The following F2R variants were observed in gnomAD, a reference collection of about 807,000 sequenced individuals.
The protein encoded by F2R is proteinase-activated receptor 1.
A neutral mutation model predicts 18.3 loss-of-function variants in F2R; 12 were observed. The ratio of observed to expected loss-of-function variants is 0.66; its 90% CI spans 0.42 to 1.06. F2R has a LOEUF of 1.06. Among genes scored for constraint, F2R ranks in the 50% least tolerant of loss-of-function variants. The pLI, the probability that F2R is intolerant of heterozygous loss-of-function variation, is 0.00. For missense variants in F2R, 438 were observed against 530.8 expected (o/e 0.83, Z 1.72); for synonymous variants, 210 against 219.9 (o/e 0.95, Z 0.40).
At position 76,734,188 on chromosome 5, in the gene F2R, T is replaced by G. The variant is rs1748739864; in HGVS notation, c.*685T>G. 1 of 152,468 alleles carries G rather than the reference T, an allele frequency of 6.6e-6. No individual in the cohort carries two copies. The highest frequency in any genetic ancestry group is 1.5e-5 in the Non-Finnish European group (1 of 68,142). The allele number at this position is 152,468 out of a possible 1,614,324, so 9.4% of individuals were successfully genotyped here. On this transcript the variant is annotated 3_prime_UTR_variant, in exon 2 of 2. Coordinates refer to ENST00000319211, the MANE Select transcript of F2R (RefSeq NM_001992.5). ...TTTGATATGGGTAGTATTTTTTACA[T>G]TTTACACACTGTACACATAAGCCAA...
intron 1 of F2R, among the ~76,000 whole-genome samples, chr5:76,720,612 A>C (rs1490999608): frequency 6.6e-6 from 1 of 152,088 alleles, no homozygotes; most frequent in Non-Finnish European, 1.5e-5. Context: ...ACCCCTACCT[A>C]CTTCCAAAAT....
At chr5:76,718,805 TG>T (rs1242998485) in intron 1 of F2R, among the ~76,000 whole-genome samples, 6 of 152,202 alleles carry the variant, frequency 3.9e-5, no homozygotes, top group African/African-American at 1.4e-4. Flanking sequence ...ATAAATTTTA[TG>T]GGGCTCTAGA....
chr5:76,717,573 G>A (rs1748370000), intron 1 of F2R, among the ~76,000 whole-genome samples: 1 of 152,148 alleles, frequency 6.6e-6, no homozygotes, highest in Non-Finnish European at 1.5e-5. Context: ...AAAACTAAGA[G>A]CTCCAGACTG....
rs1238817703 is a variant in F2R, at chr5:76,735,510, GA to G, written c.*2008del. ...ATAAATAAAAAATAAAAAAATAAAA[GA>G]GCAAACTATTTCCAAATACCATAGA... On this transcript the variant is annotated 3_prime_UTR_variant, in exon 2 of 2. Coordinates refer to ENST00000319211, the MANE Select transcript of F2R (RefSeq NM_001992.5). 2.6e-5 allele frequency: 4 copies of G among 151,932 alleles called. No individual in the cohort carries two copies. Among genetic ancestry groups the G allele is most frequent in the African/African-American group, 9.7e-5 (4 of 41,394 alleles). The allele number at this position is 151,932 out of a possible 1,614,324, so 9.4% of individuals were successfully genotyped here.
intron 1 of F2R, among the ~76,000 whole-genome samples, chr5:76,716,947 G>C (rs767816033): frequency 6.6e-6 from 1 of 152,204 alleles, no homozygotes; most frequent in African/African-American, 2.4e-5. Context: ...TTGTGTCCAG[G>C]AGGTGCGCAG....
chr5:76,726,504 T>C (rs1351435544), intron 1 of F2R, among the ~76,000 whole-genome samples: 1 of 150,396 alleles, frequency 6.6e-6, no homozygotes, highest in African/African-American at 2.5e-5. Context: ...GCCACTGCAG[T>C]CCGGCCTGGG....
At chr5:76,726,335 T>C (rs1748552433) in intron 1 of F2R, among the ~76,000 whole-genome samples, 1 of 151,084 alleles carries the variant, frequency 6.6e-6, no homozygotes, top group South Asian at 2.1e-4. Flanking sequence ...ATAGAGACCA[T>C]CCTGGCTAAC....
chr5:76,733,112 G>A lies in F2R; in HGVS notation c.887G>A (p.Cys296Tyr), dbSNP rs1314236332. Residue 296 changes from cysteine to tyrosine, a missense_variant, in exon 2 of 2, where the codon TGT becomes TAT. Cys to Tyr is a radical substitution (Grantham distance 194). Coordinates refer to ENST00000319211, the MANE Select transcript of F2R (RefSeq NM_001992.5). Reference sequence around the variant, plus strand: ...GTCTGTTATGTGTCTATCATTCGATGTCTTAGCTCTTCCGCAGTTGCCAAC... The same window carrying A: ...GTCTGTTATGTGTCTATCATTCGATATCTTAGCTCTTCCGCAGTTGCCAAC... ...STVCYVSIIR[C>Y]LSSSAVANRS... 1 of 1,614,160 alleles carries A rather than the reference G, an allele frequency of 6.2e-7. No homozygotes were observed. Among genetic ancestry groups the A allele is most frequent in the Admixed American group, 1.7e-5 (1 of 60,014 alleles).
In F2R at chr5:76,733,540, A is replaced by G. The variant is rs760079347; in HGVS notation, c.*37A>G. 20 of 1,490,520 alleles carry G rather than the reference A, an allele frequency of 1.3e-5. No individual in the cohort carries two copies. Among genetic ancestry groups the G allele is most frequent in the Non-Finnish European group, 1.5e-5 (17 of 1,104,828 alleles). 92.3% of individuals were successfully genotyped at this position (1,490,520 alleles called of 1,614,324 possible). On this transcript the variant is annotated 3_prime_UTR_variant, in exon 2 of 2. Transcript: ENST00000319211. ...GCTGGGAGGTTAAAAAGAAAAGTTT[A>G]TAAAAGTGAATAACCTGAGGATTCT...
chr5:76,722,723 C>T (rs1028453705), intron 1 of F2R, among the ~76,000 whole-genome samples: 1 of 152,082 alleles, frequency 6.6e-6, no homozygotes, highest in Non-Finnish European at 1.5e-5. Flanking sequence ...GAGGCTGAGG[C>T]GCAGATCACT....
chr5:76,720,637 G>A (rs1317638857), intron 1 of F2R, among the ~76,000 whole-genome samples: 3 of 151,750 alleles, frequency 2.0e-5, no homozygotes, highest in Non-Finnish European at 2.9e-5. Flanking sequence ...TCATTTCCCC[G>A]AAAGGAAACC....
intron 1 of F2R, among the ~76,000 whole-genome samples, chr5:76,722,815 G>A (rs1748489847): frequency 1.3e-5 from 2 of 152,232 alleles, no homozygotes; most frequent in Admixed American, 1.3e-4. Flanking sequence ...GCCGGGCATG[G>A]TGGTGCACAA....
At chr5:76,722,192 G>A (rs1387559691) in intron 1 of F2R, among the ~76,000 whole-genome samples, 2 of 152,176 alleles carry the variant, frequency 1.3e-5, no homozygotes, top group Admixed American at 6.5e-5. Flanking sequence ...ACAATACAAA[G>A]CTGTCCCCAT....
At chr5:76,720,141 A>G (rs887326089) in intron 1 of F2R, among the ~76,000 whole-genome samples, 1 of 152,162 alleles carries the variant, frequency 6.6e-6, no homozygotes, top group African/African-American at 2.4e-5. Context: ...ATTTTTATAG[A>G]ACATACCAGC....
At chr5:76,722,516 CT>C (rs3836827) in intron 1 of F2R, among the ~76,000 whole-genome samples, 8,786 of 152,294 alleles carry the variant, frequency 0.058, 372 homozygotes, top group East Asian at 0.14. Context: ...CCTGCGTTTA[CT>C]TTCCTGCAAC....
chr5:76,718,273 G>A (rs1172184863), intron 1 of F2R, among the ~76,000 whole-genome samples: 1 of 152,146 alleles, frequency 6.6e-6, no homozygotes, highest in Non-Finnish European at 1.5e-5. Context: ...GGAATAAGTG[G>A]GGCTTTGTCT....
chr5:76,733,788 T>A lies in F2R; in HGVS notation c.*285T>A, dbSNP rs1313048375. 1 of 399,642 alleles carries A rather than the reference T, an allele frequency of 2.5e-6. No individual in the cohort carries two copies. Among genetic ancestry groups the A allele is most frequent in the Non-Finnish European group, 4.6e-6 (1 of 219,120 alleles). The allele number at this position is 399,642 out of a possible 1,614,324, so 24.8% of individuals were successfully genotyped here. A position where few individuals can be genotyped will look rare whatever the true frequency, so the allele number is the denominator to read the frequency against. ...TAGGTGACATATACATACTTACATG[T>A]GTGTATATGTAGATGTATGCACACA... On this transcript the variant is annotated 3_prime_UTR_variant, in exon 2 of 2. Coordinates refer to ENST00000319211, the MANE Select transcript of F2R (RefSeq NM_001992.5).
intron 1 of F2R, chr5:76,716,883 C>G (rs1748356780): frequency 7.9e-6 from 4 of 504,732 alleles, no homozygotes; most frequent in Non-Finnish European, 1.4e-5. Context: ...AAAGCCCAGG[C>G]AGTCCCTTGG....
rs1487231006 is a variant in F2R at position 76,717,290 on chromosome 5, G to A, written c.88+895G>A. 3.9e-5 allele frequency among the ~76,000 whole-genome samples: 6 copies of A among 152,372 alleles called. No homozygotes were observed. In the East Asian group the frequency reaches 1.2e-3, roughly 29 times the overall value. On this transcript the variant is annotated intron_variant, in intron 1 of 1. Coordinates refer to ENST00000319211, the MANE Select transcript of F2R (RefSeq NM_001992.5). ...CTTTCCCCAAGAGCAGCACAGATGA[G>A]TTGTTTTTAGCCTGTAAAGGCGCTA...
Sources: gnomAD v4.1 joint callset for allele counts (sites outside exome capture counted in the v4.1 genomes callset) on GRCh38, gnomAD v4.1.1 for gene constraint, MANE v1.5 for transcripts, NCBI Gene and HGNC (gene_info 2026-07-23, HGNC 2026-07-21) for gene names.